The following MLXIPL variants were observed in gnomAD, a reference collection of about 807,000 sequenced individuals.
MLXIPL encodes the protein carbohydrate-responsive element-binding protein.
MLXIPL carries 49 observed loss-of-function variants against 81.5 expected under a neutral mutation model. That is an observed-to-expected ratio of 0.60 (90% CI 0.48 to 0.76). The LOEUF (loss-of-function observed/expected upper bound fraction) is 0.76, where lower values mean the gene tolerates loss of function less well. Among genes scored for constraint, MLXIPL ranks in the 30% least tolerant of loss-of-function variants. MLXIPL has a pLI of 0.00. For synonymous variants in MLXIPL, 466 were observed against 485.5 expected (o/e 0.96, Z 0.53); for missense variants, 1,053 against 1,167.0 (o/e 0.90, Z 1.42).
intron 1 of MLXIPL, among the ~76,000 whole-genome samples, chr7:73,622,762 G>A (rs1486932348): frequency 6.6e-6 from 1 of 151,800 alleles, no homozygotes; most frequent in Admixed American, 6.6e-5. Flanking sequence ...GGGCAATTTT[G>A]GGGGTGCGCT....
At chr7:73,614,348 G>A (rs1009311107) in intron 2 of MLXIPL, among the ~76,000 whole-genome samples, 28 of 152,144 alleles carry the variant, frequency 1.8e-4, no homozygotes, top group Admixed American at 1.5e-3. Flanking sequence ...CTTGCCTTCT[G>A]AGCCTCAGTT....
chr7:73,637,602 C>G, the MLXIPL span, among the ~76,000 whole-genome samples: 24,530 of 152,146 alleles, frequency 0.16, 2,354 homozygotes, highest in African/African-American at 0.27. Context: ...CATTATGAGC[C>G]AGACAGAGCA....
In MLXIPL at chr7:73,624,499, C is replaced by G; in HGVS notation, c.-7G>C. The stretch of plus-strand genomic sequence containing the variant: ...CTGCCAGCGCGCCGGCCATGGCTGT[C>G]GCCGCCGCAACCGCCTGGTCCCTGC... On this transcript the variant is annotated 5_prime_UTR_variant, in exon 1 of 17. Coordinates refer to ENST00000313375, the MANE Select transcript of MLXIPL (RefSeq NM_032951.3). 1 of 1,523,416 alleles carries G rather than the reference C, an allele frequency of 6.6e-7. No individual in the cohort carries two copies. Among genetic ancestry groups the G allele is most frequent in the Non-Finnish European group, 8.8e-7 (1 of 1,142,132 alleles). 94.4% of individuals were successfully genotyped at this position (1,523,416 alleles called of 1,614,324 possible).
chr7:73,597,136 C>G, intron 9 of MLXIPL, 46 bp downstream of exon 9: 2 of 1,552,886 alleles, frequency 1.3e-6, no homozygotes, highest in South Asian at 2.3e-5. Context: ...TCCCCACCCC[C>G]TGGCCTCCCT....
chr7:73,619,940 CAAACAAAACA>C (rs1554601618), intron 1 of MLXIPL, among the ~76,000 whole-genome samples: 1 of 151,824 alleles, frequency 6.6e-6, no homozygotes, highest in Non-Finnish European at 1.5e-5. Flanking sequence ...AAAAAACAAA[CAAACAAAACA>C]AAACAAAACA....
chr7:73,594,839 G>A (rs1373921573), intron 15 of MLXIPL, among the ~76,000 whole-genome samples: 5 of 130,612 alleles, frequency 3.8e-5, no homozygotes, highest in Non-Finnish European at 7.8e-5. Context: ...GAGCCACTGT[G>A]CTCGGACTTT....
At chr7:73,626,435 T>G (rs1019237676), upstream of MLXIPL, among the ~76,000 whole-genome samples, 1 of 151,696 alleles carries the variant, frequency 6.6e-6, no homozygotes, top group Admixed American at 6.6e-5. Flanking sequence ...CCCTAGTAGC[T>G]GGGACTACAG....
Position 73,607,102 on chromosome 7 carries a change from C to A in MLXIPL, c.574-84G>T, listed in dbSNP as rs112887518. The A allele has an allele frequency of 1.4e-5, 22 of 1,524,640 alleles. No homozygotes were observed. The African/African-American group carries it at 2.9e-4, about 20-fold the overall frequency. The allele number at this position is 1,524,640 out of a possible 1,614,324, so 94.4% of individuals were successfully genotyped here. On this transcript the variant is annotated intron_variant, in intron 4 of 16. Transcript: ENST00000313375. ...CCCCAAAGTCTCCTCTACTCACAAG[C>A]GATGAGATCCCCCATTTCCCATCAG...
At chr7:73,642,028 G>A in the MLXIPL span, among the ~76,000 whole-genome samples, 1 of 152,148 alleles carries the variant, frequency 6.6e-6, no homozygotes, top group African/African-American at 2.4e-5. Flanking sequence ...GCAGTCACAA[G>A]TACTAGGCTG....
chr7:73,598,895 G>A (rs1161079140), intron 8 of MLXIPL, among the ~76,000 whole-genome samples: 1 of 151,780 alleles, frequency 6.6e-6, no homozygotes, highest in African/African-American at 2.4e-5. Flanking sequence ...CGAGGCGGGC[G>A]GACTACTGAG....
At position 73,597,679 on chromosome 7, in the gene MLXIPL, C is replaced by T; in HGVS notation, c.1106G>A (p.Ser369Asn). 7.3e-7 allele frequency: 1 copy of T among 1,372,638 alleles called. No individual in the cohort carries two copies. Among genetic ancestry groups the T allele is most frequent in the Non-Finnish European group, 9.4e-7 (1 of 1,067,216 alleles). 85.0% of individuals were successfully genotyped at this position (1,372,638 alleles called of 1,614,324 possible). A position where few individuals can be genotyped will look rare whatever the true frequency, so the allele number is the denominator to read the frequency against. The change falls in exon 9 of 17, where the codon AGC (serine) becomes AAC (asparagine). Residue 369 changes from serine (S) to asparagine (N), a missense_variant. Physicochemically the swap from Ser to Asn is conservative, Grantham distance 46. This residue lies in a region of MLXIPL where 823 missense variants were observed against 933.0 expected (regional missense o/e 0.88). Coordinates refer to ENST00000313375, the MANE Select transcript of MLXIPL (RefSeq NM_032951.3). ...GAGGAAATCAGAACTCAGGAAGGCG[C>T]TGGAGTCCAAGGGGCCAGGGCAGCT... is the stretch of plus-strand genomic sequence containing the variant. ...RNSCPGPLDS[S>N]AFLSSDFLLP...
chr7:73,630,811 T>C, the MLXIPL span, among the ~76,000 whole-genome samples: 1 of 152,154 alleles, frequency 6.6e-6, no homozygotes, highest in Non-Finnish European at 1.5e-5. Context: ...AAAATCACTT[T>C]GGAAAGGTAT....
chr7:73,606,052 G>A lies in MLXIPL; in HGVS notation c.678C>T (p.Val226=). The change falls in exon 6 of 17, where the codon GTC becomes GTT. Residue 226 remains valine (V), a synonymous_variant. Coordinates refer to ENST00000313375, the MANE Select transcript of MLXIPL (RefSeq NM_032951.3). ...CCTCTGGGTCCCCCAGCAGCACGGG[G>A]ACCACACTGGAGAAGAGCTGTTTGC... The part of the protein sequence containing the change: ...QWCKQLFSSV[V]PVLLGDPEEE... The A allele has an allele frequency of 2.5e-6, 4 of 1,591,216 alleles. No homozygotes were observed. Among genetic ancestry groups the A allele is most frequent in the Non-Finnish European group, 3.4e-6 (4 of 1,168,862 alleles).
chr7:73,647,617 G>C, the MLXIPL span, among the ~76,000 whole-genome samples: 10 of 152,202 alleles, frequency 6.6e-5, no homozygotes, highest in Non-Finnish European at 1.5e-4. Context: ...TGAGCGAGGA[G>C]GCCACATAAG....
Position 73,593,873 on chromosome 7 carries a change from G to T in MLXIPL, c.2551C>A (p.Pro851Thr), listed in dbSNP as rs137992256. 5.6e-6 allele frequency: 9 copies of T among 1,613,786 alleles called. No homozygotes were observed. Among genetic ancestry groups the T allele is most frequent in the Non-Finnish European group, 7.6e-6 (9 of 1,179,832 alleles). The part of the protein sequence containing the change: ...RAVTEGTLGK[P>T]L ...GCAGGGTCTGGCCAGGACTATAAAGGTTTGCCAAGGGTGCCCTCTGTGACT... is the reference window on the plus strand; with the variant it reads ...GCAGGGTCTGGCCAGGACTATAAAGTTTTGCCAAGGGTGCCCTCTGTGACT... The change falls in exon 17 of 17, where the codon CCT becomes ACT. Residue 851 changes from proline to threonine, a missense_variant. Physicochemically the swap from Pro to Thr is conservative, Grantham distance 38. Around this residue, in one of 3 missense-constraint regions of MLXIPL, gnomAD observed 823 missense variants for 933.0 expected, o/e 0.88. Transcript: ENST00000313375.
chr7:73,605,891 C>T lies in MLXIPL; in HGVS notation c.820+19G>A, dbSNP rs782556316. On this transcript the variant is annotated intron_variant, in intron 6 of 16. Coordinates refer to ENST00000313375, the MANE Select transcript of MLXIPL (RefSeq NM_032951.3). Reference sequence around the variant, plus strand: ...CACAGGCCTTCACCCCTCTCCCCTGCCCTTTCTCAGACCCTCACCATCCTC... The same window carrying T: ...CACAGGCCTTCACCCCTCTCCCCTGTCCTTTCTCAGACCCTCACCATCCTC... 10 of 1,572,304 alleles carry T rather than the reference C, an allele frequency of 6.4e-6. No homozygotes were observed. Among genetic ancestry groups the T allele is most frequent in the Non-Finnish European group, 8.6e-6 (10 of 1,158,178 alleles).
chr7:73,595,820 C>G (rs781868749), intron 14 of MLXIPL, 22 bp downstream of exon 14: 2 of 1,589,660 alleles, frequency 1.3e-6, no homozygotes, highest in Non-Finnish European at 1.7e-6. Flanking sequence ...CTGGTCCCAG[C>G]ACCCGCCTGG....
At chr7:73,620,132 G>A (rs1224981197) in intron 1 of MLXIPL, among the ~76,000 whole-genome samples, 2 of 151,296 alleles carry the variant, frequency 1.3e-5, no homozygotes, top group Non-Finnish European at 2.9e-5. Flanking sequence ...GGCCAGGCGC[G>A]GTGGCTCACG....
chr7:73,614,584 A>C (rs1554600385), intron 2 of MLXIPL, among the ~76,000 whole-genome samples: 1 of 152,256 alleles, frequency 6.6e-6, no homozygotes, highest in East Asian at 1.9e-4. Context: ...CCTGCAGCAG[A>C]ACCTGACCTG....
Sources: allele counts gnomAD v4.1 joint callset (sites outside exome capture counted in the v4.1 genomes callset), GRCh38; gene constraint gnomAD v4.1.1; regional missense constraint gnomAD v4.1.1; transcripts MANE v1.5; gene names NCBI Gene and HGNC (gene_info 2026-07-23, HGNC 2026-07-21).